NCOA7: variants seen among roughly 807,000 people sequenced by gnomAD.
NCOA7 encodes the protein 140 kDa estrogen receptor-associated protein.
Under a neutral mutation model 104.3 loss-of-function variants are expected in NCOA7, and 45 were observed. The ratio of observed to expected loss-of-function variants is 0.43; its 90% CI spans 0.34 to 0.55. The LOEUF (loss-of-function observed/expected upper bound fraction) is 0.55, where lower values mean the gene tolerates loss of function less well. Among genes scored for constraint, NCOA7 ranks in the 20% least tolerant of loss-of-function variants. The pLI, the probability that NCOA7 is intolerant of heterozygous loss-of-function variation, is 0.02. For missense variants in NCOA7, 1,041 were observed against 1,119.7 expected (o/e 0.93, Z 1.00); for synonymous variants, 398 against 402.3 (o/e 0.99, Z 0.13).
chr6:125,917,948 T>C lies in NCOA7; in HGVS notation c.2244+2468T>C, dbSNP rs551949234. ...ACAGAGTCGTGGAAGAAGTCCAGTA[T>C]GCATTGGTCTGGAGGTGAGCAGTAA... On this transcript the variant is annotated intron_variant, in intron 11 of 15. Coordinates refer to ENST00000392477, the MANE Select transcript of NCOA7 (RefSeq NM_181782.5). Among the ~76,000 whole-genome samples, 14 of 152,316 alleles carry C rather than the reference T, an allele frequency of 9.2e-5. 1 individual carries two copies. In the Middle Eastern group the frequency reaches 0.024, roughly 259 times the overall value.
intron 1 of NCOA7, among the ~76,000 whole-genome samples, chr6:125,784,025 A>G (rs1774348815): frequency 6.6e-6 from 1 of 152,232 alleles, no homozygotes; most frequent in Admixed American, 6.5e-5. Flanking sequence ...TTGGAACAAC[A>G]TAATTTAACA....
chr6:125,896,770 C>A (rs1785055941), intron 10 of NCOA7, among the ~76,000 whole-genome samples: 2 of 152,258 alleles, frequency 1.3e-5, no homozygotes, highest in South Asian at 4.2e-4. Flanking sequence ...CCAACCTTGA[C>A]AAAAGAGCAA....
At chr6:125,815,689 G>A (rs985312174) in intron 2 of NCOA7, among the ~76,000 whole-genome samples, 1 of 152,166 alleles carries the variant, frequency 6.6e-6, no homozygotes, top group African/African-American at 2.4e-5. Context: ...CCCATGTTTA[G>A]CAACCTACCT....
chr6:125,847,089 G>T (rs900389083), intron 2 of NCOA7, among the ~76,000 whole-genome samples: 2 of 152,188 alleles, frequency 1.3e-5, no homozygotes, highest in Non-Finnish European at 2.9e-5. Context: ...ATATGTAATT[G>T]TACATGGTAT....
intron 1 of NCOA7, among the ~76,000 whole-genome samples, chr6:125,807,971 AG>A (rs1258630480): frequency 1.3e-5 from 2 of 152,218 alleles, no homozygotes; most frequent in Non-Finnish European, 2.9e-5. Context: ...AGCAGACAAG[AG>A]AAATCTATCA....
intron 1 of NCOA7, among the ~76,000 whole-genome samples, chr6:125,806,566 A>G (rs764980465): frequency 6.6e-5 from 10 of 152,136 alleles, no homozygotes; most frequent in Non-Finnish European, 1.3e-4. Context: ...AGTGATTCTC[A>G]TTGGTTGTGG....
At chr6:125,835,533 T>G (rs1469707865) in intron 2 of NCOA7, among the ~76,000 whole-genome samples, 1 of 152,248 alleles carries the variant, frequency 6.6e-6, no homozygotes, top group Non-Finnish European at 1.5e-5. Context: ...TTCTTTTAGC[T>G]TCCTTTTTCA....
chr6:125,785,659 G>T (rs1331057410), intron 1 of NCOA7, among the ~76,000 whole-genome samples: 2 of 152,212 alleles, frequency 1.3e-5, no homozygotes, highest in African/African-American at 2.4e-5. Context: ...CAGCTTATTT[G>T]AATATGTTTT....
At position 125,915,625 on chromosome 6, in the gene NCOA7, G is replaced by A. The variant is rs569408810; in HGVS notation, c.2244+145G>A. The A allele has an allele frequency of 1.0e-4, 101 of 991,314 alleles. No individual in the cohort carries two copies. In the South Asian group the frequency reaches 1.4e-3, roughly 14 times the overall value. 61.4% of individuals were successfully genotyped at this position (991,314 alleles called of 1,614,324 possible). A position where few individuals can be genotyped will look rare whatever the true frequency, so the allele number is the denominator to read the frequency against. On this transcript the variant is annotated intron_variant, in intron 11 of 15. Coordinates refer to ENST00000392477, the MANE Select transcript of NCOA7 (RefSeq NM_181782.5). ...CAGAGGAAAATAACTTTATTCCTCCGTTTGAAAAAAAACACCACCACCAGC... is the reference window on the plus strand; with the variant it reads ...CAGAGGAAAATAACTTTATTCCTCCATTTGAAAAAAAACACCACCACCAGC...
chr6:125,910,459 G>GA (rs1221494130), intron 10 of NCOA7, among the ~76,000 whole-genome samples: 3 of 152,088 alleles, frequency 2.0e-5, no homozygotes, highest in Non-Finnish European at 4.4e-5. Flanking sequence ...TTTAAGTATT[G>GA]AAAAAACTAA....
chr6:125,880,629 G>A (rs1346937328), intron 5 of NCOA7, among the ~76,000 whole-genome samples: 1 of 152,068 alleles, frequency 6.6e-6, no homozygotes, highest in African/African-American at 2.4e-5. Context: ...CTGGGTTCAA[G>A]AGATTCTCCT....
intron 2 of NCOA7, 48 bp from the exon 3 acceptor site, chr6:125,854,972 A>G: frequency 7.7e-7 from 1 of 1,293,344 alleles, no homozygotes; most frequent in African/African-American, 1.5e-5. Flanking sequence ...GATTTCTACC[A>G]GCAAATCATC....
upstream of NCOA7, among the ~76,000 whole-genome samples, chr6:125,790,335 G>A (rs1003239907): frequency 1.3e-5 from 2 of 152,254 alleles, no homozygotes; most frequent in Non-Finnish European, 2.9e-5. Context: ...GGGGCCAGGC[G>A]GGCCAACTGT....
Position 125,925,572 on chromosome 6 carries a change from A to G in NCOA7, c.2524-2091A>G, listed in dbSNP as rs79601243. Among the ~76,000 whole-genome samples, 1,575 of 152,310 alleles carry G rather than the reference A, an allele frequency of 0.01. 58 individuals carry two copies. The East Asian group carries it at 0.14, about 13-fold the overall frequency. ...AGTGAAGTATAGAAATGTTACTCCT[A>G]TTTTGCTCTATTACATCTTTTAACT... On this transcript the variant is annotated intron_variant, in intron 13 of 15. Coordinates refer to ENST00000392477, the MANE Select transcript of NCOA7 (RefSeq NM_181782.5).
intron 13 of NCOA7, among the ~76,000 whole-genome samples, chr6:125,924,186 C>T (rs1787824027): frequency 1.3e-5 from 2 of 152,226 alleles, no homozygotes; most frequent in African/African-American, 4.8e-5. Context: ...AGCACACATA[C>T]AGACTCTCAC....
chr6:125,904,795 A>G (rs1785824087), intron 10 of NCOA7, among the ~76,000 whole-genome samples: 1 of 152,196 alleles, frequency 6.6e-6, no homozygotes, highest in African/African-American at 2.4e-5. Context: ...ATGAGGAGAC[A>G]TTGGGAAAAC....
intron 3 of NCOA7, among the ~76,000 whole-genome samples, chr6:125,873,014 A>G (rs1562953775): frequency 6.6e-6 from 1 of 152,206 alleles, no homozygotes; most frequent in African/African-American, 2.4e-5. Flanking sequence ...TTAATTTTTA[A>G]ATAATTTAAA....
intron 8 of NCOA7, 71 bp downstream of exon 8, chr6:125,885,414 C>T: frequency 1.4e-6 from 2 of 1,476,654 alleles, no homozygotes; most frequent in Non-Finnish European, 1.9e-6. Flanking sequence ...AAAATGAGGG[C>T]ATTTGCATGA....
chr6:125,860,214 A>AT (rs1781922150), intron 3 of NCOA7, among the ~76,000 whole-genome samples: 1 of 152,272 alleles, frequency 6.6e-6, no homozygotes, highest in East Asian at 1.9e-4. Flanking sequence ...GTGTCAATAT[A>AT]TTTTTCAAAA....
Sources: gnomAD v4.1 joint callset for allele counts (sites outside exome capture counted in the v4.1 genomes callset) on GRCh38, gnomAD v4.1.1 for gene constraint, MANE v1.5 for transcripts, NCBI Gene and HGNC (gene_info 2026-07-23, HGNC 2026-07-21) for gene names.